Variants in ZCCHC7 observed in about 807,000 individuals in gnomAD.
The protein encoded by ZCCHC7 is zinc finger CCHC domain-containing protein 7.
ZCCHC7 carries 35 observed loss-of-function variants against 52.0 expected under a neutral mutation model. That is an observed-to-expected ratio of 0.67 (90% confidence interval 0.51 to 0.89). The LOEUF is 0.89. Among genes scored for constraint, ZCCHC7 ranks in the 40% least tolerant of loss-of-function variants. The pLI is 0.00. For missense variants in ZCCHC7, 574 were observed against 649.1 expected (o/e 0.88, Z 1.26); for synonymous variants, 217 against 221.5 (o/e 0.98, Z 0.18).
chr9:37,233,712 G>A (rs975004553), intron 2 of ZCCHC7, among the ~76,000 whole-genome samples: 1 of 152,150 alleles, frequency 6.6e-6, no homozygotes, highest in Non-Finnish European at 1.5e-5. Flanking sequence ...ACTAGGAATG[G>A]CAGAGAATGG....
intron 2 of ZCCHC7, among the ~76,000 whole-genome samples, chr9:37,272,649 A>G (rs1383754901): frequency 2.6e-5 from 4 of 151,570 alleles, no homozygotes; most frequent in Non-Finnish European, 5.9e-5. Flanking sequence ...TTTGCTTTTT[A>G]TTTTTTCTCT....
At chr9:37,323,072 A>G (rs1364140455) in intron 5 of ZCCHC7, among the ~76,000 whole-genome samples, 1 of 152,152 alleles carries the variant, frequency 6.6e-6, no homozygotes, top group Non-Finnish European at 1.5e-5. Flanking sequence ...CGTTTTACCT[A>G]TGAGGAAACT....
At chr9:37,208,803 G>A (rs567649594) in intron 2 of ZCCHC7, among the ~76,000 whole-genome samples, 1 of 152,222 alleles carries the variant, frequency 6.6e-6, no homozygotes, top group East Asian at 1.9e-4. Flanking sequence ...CAAGCAGCTA[G>A]AGAGGTCCTT....
chr9:37,238,846 G>T (rs1408144346), intron 2 of ZCCHC7, among the ~76,000 whole-genome samples: 3 of 152,100 alleles, frequency 2.0e-5, no homozygotes, highest in Non-Finnish European at 4.4e-5. Context: ...CAAAGTTGTA[G>T]TAGGGAAAAC....
intron 5 of ZCCHC7, among the ~76,000 whole-genome samples, chr9:37,320,701 T>TA (rs767123717): frequency 7.2e-5 from 11 of 152,220 alleles, no homozygotes; most frequent in African/African-American, 2.6e-4. Context: ...CTTGGAATTA[T>TA]AAAAAAAGGT....
intron 2 of ZCCHC7, among the ~76,000 whole-genome samples, chr9:37,249,158 A>G (rs996944648): frequency 1.3e-5 from 2 of 152,078 alleles, no homozygotes; most frequent in African/African-American, 4.8e-5. Context: ...GCTTTTGTTG[A>G]TGTGAGTCTA....
intron 2 of ZCCHC7, among the ~76,000 whole-genome samples, chr9:37,165,592 C>T (rs1002446049): frequency 3.3e-5 from 5 of 152,106 alleles, no homozygotes; most frequent in Non-Finnish European, 7.4e-5. Flanking sequence ...AATTACATGA[C>T]TTGAATTTTC....
chr9:37,207,238 A>T (rs147416624), intron 2 of ZCCHC7, among the ~76,000 whole-genome samples: 1 of 152,176 alleles, frequency 6.6e-6, no homozygotes, highest in South Asian at 2.1e-4. Flanking sequence ...TTCTTAAATG[A>T]TATATTTGGA....
intron 2 of ZCCHC7, among the ~76,000 whole-genome samples, chr9:37,265,558 T>A (rs1827066135): frequency 6.6e-6 from 1 of 152,228 alleles, no homozygotes; most frequent in Non-Finnish European, 1.5e-5. Context: ...GGCCAAATAC[T>A]GTTTGTTCTA....
At chr9:37,298,419 T>A (rs1828885244) in intron 2 of ZCCHC7, among the ~76,000 whole-genome samples, 1 of 152,230 alleles carries the variant, frequency 6.6e-6, no homozygotes, top group Non-Finnish European at 1.5e-5. Context: ...CAAATTGTTA[T>A]ATCCATACAA....
intron 2 of ZCCHC7, among the ~76,000 whole-genome samples, chr9:37,202,765 A>C (rs1040511906): frequency 2.1e-4 from 32 of 152,232 alleles, no homozygotes; most frequent in Non-Finnish European, 7.3e-5. Flanking sequence ...TATAGGCGTA[A>C]GCCATCACGC....
At chr9:37,306,021 A>C (rs1306158861) in intron 5 of ZCCHC7, among the ~76,000 whole-genome samples, 1 of 152,088 alleles carries the variant, frequency 6.6e-6, no homozygotes, top group East Asian at 1.9e-4. Flanking sequence ...GCTGAATTTA[A>C]AGAGGTAATA....
chr9:37,249,596 T>C (rs1826229582), intron 2 of ZCCHC7, among the ~76,000 whole-genome samples: 2 of 151,660 alleles, frequency 1.3e-5, no homozygotes, highest in Admixed American at 6.6e-5. Context: ...GGACTACGGG[T>C]GCGTGCCACC....
intron 2 of ZCCHC7, among the ~76,000 whole-genome samples, chr9:37,179,858 A>G (rs1462120805): frequency 1.3e-5 from 2 of 152,298 alleles, no homozygotes; most frequent in East Asian, 3.9e-4. Context: ...TGCCCTACAG[A>G]AAAACATATT....
intron 2 of ZCCHC7, among the ~76,000 whole-genome samples, chr9:37,269,522 G>A (rs1464969405): frequency 6.6e-6 from 1 of 150,456 alleles, no homozygotes; most frequent in African/African-American, 2.5e-5. Flanking sequence ...GGGAGGCTGA[G>A]GCAGGAGGAT....
chr9:37,285,253 GA>G (rs1203533173), intron 2 of ZCCHC7, among the ~76,000 whole-genome samples: 1 of 152,152 alleles, frequency 6.6e-6, no homozygotes, highest in Admixed American at 6.5e-5. Context: ...TCACAAATGA[GA>G]AATTGAAGCT....
intron 6 of ZCCHC7, among the ~76,000 whole-genome samples, chr9:37,335,221 T>C (rs976518958): frequency 2.6e-5 from 4 of 152,160 alleles, no homozygotes; most frequent in African/African-American, 9.6e-5. Context: ...ATTTCCTTTG[T>C]TTACAGTTGT....
rs182599185 is a variant in ZCCHC7, at chr9:37,268,717, C to T, written c.611-33471C>T. Among the ~76,000 whole-genome samples, 9 of 152,298 alleles carry T rather than the reference C, an allele frequency of 5.9e-5. No homozygotes were observed. The East Asian group carries it at 9.7e-4, about 16-fold the overall frequency. ...CTGGGATTACAGGCGTGAGCCACCGCGCCCGGCCGCAAAATTTCTACTCTT... is the reference window on the plus strand; with the variant it reads ...CTGGGATTACAGGCGTGAGCCACCGTGCCCGGCCGCAAAATTTCTACTCTT... On this transcript the variant is annotated intron_variant, in intron 2 of 8. Coordinates refer to ENST00000336755, the MANE Select transcript of ZCCHC7 (RefSeq NM_032226.3).
At chr9:37,209,779 A>T (rs999057555) in intron 2 of ZCCHC7, among the ~76,000 whole-genome samples, 1 of 152,132 alleles carries the variant, frequency 6.6e-6, no homozygotes, top group African/African-American at 2.4e-5. Context: ...AGAAGTGTGG[A>T]GTAGTTAGGT....
Sources: gnomAD v4.1 joint callset for allele counts (sites outside exome capture counted in the v4.1 genomes callset) on GRCh38, gnomAD v4.1.1 for gene constraint, MANE v1.5 for transcripts, NCBI Gene and HGNC (gene_info 2026-07-23, HGNC 2026-07-21) for gene names.